Variants in CLCN2 observed in about 807,000 individuals in gnomAD.
The protein encoded by CLCN2 is chloride voltage-gated channel 2.
CLCN2 carries 72 observed loss-of-function variants against 108.3 expected under a neutral mutation model. The observed-to-expected ratio is 0.66, with a 90% confidence interval of 0.55 to 0.81. The LOEUF is 0.81. CLCN2 is among the 30% of genes least tolerant of loss of function. The pLI is 0.00. For missense variants in CLCN2, 1,048 were observed against 1,205.2 expected (o/e 0.87, Z 1.93); for synonymous variants, 471 against 467.1 (o/e 1.01, Z -0.11).
intron 22 of CLCN2, among the ~76,000 whole-genome samples, chr3:184,350,840 T>C (rs892357151): frequency 1.3e-5 from 2 of 152,200 alleles, no homozygotes; most frequent in Non-Finnish European, 2.9e-5. Flanking sequence ...AAGTGCGTGC[T>C]TGTGATGATT....
At chr3:184,353,924 G>A in intron 15 of CLCN2, 129 bp from the exon 16 acceptor site, 15 of 1,456,874 alleles carry the variant, frequency 1.0e-5, no homozygotes, top group Non-Finnish European at 1.3e-5. Context: ...ACCAAGGGGT[G>A]CTCCCACCCT....
Position 184,357,109 on chromosome 3 carries a change from G to C in CLCN2, c.984-15C>G. On this transcript the variant is annotated splice_polypyrimidine_tract_variant and intron_variant, in intron 9 of 23. Transcript: ENST00000265593. The stretch of plus-strand genomic sequence containing the variant: ...CACTAGCAATACTGGAAAGGGAAGA[G>C]GCACCTGAGTGAAAAGGAGCCTTCT... 1 of 1,611,978 alleles carries C rather than the reference G, an allele frequency of 6.2e-7. No homozygotes were observed. Among genetic ancestry groups the C allele is most frequent in the Non-Finnish European group, 8.5e-7 (1 of 1,178,526 alleles).
chr3:184,359,037 G>A lies in CLCN2; in HGVS notation c.158C>T (p.Pro53Leu), dbSNP rs1293737920. 1.9e-6 allele frequency: 3 copies of A among 1,613,682 alleles called. No individual in the cohort carries two copies. The highest frequency in any genetic ancestry group is 2.2e-5 in the East Asian group (1 of 44,880). Reference protein sequence around the residue: ...LGGPEPWKGPPSSRAAPELLE... With the variant: ...LGGPEPWKGPLSSRAAPELLE... ...GAGCTCTGGGGCAGCCCGAGAGGAA[G>A]GGGGACCTTTCCAGGGTTCAGGCCC... The change falls in exon 2 of 24, where the codon CCT becomes CTT. Residue 53 changes from proline to leucine, a missense_variant. By Grantham distance (98) the Pro-to-Leu change is moderately conservative. Transcript: ENST00000265593.
At position 184,358,018 on chromosome 3, in the gene CLCN2, C is replaced by A; in HGVS notation, c.559G>T (p.Ala187Ser). The change falls in exon 5 of 24, where the codon GCT becomes TCT. Residue 187 changes from alanine to serine, a missense_variant. Physicochemically the swap from Ala to Ser is moderately conservative, Grantham distance 99 (BLOSUM62 1). Coordinates refer to ENST00000265593, the MANE Select transcript of CLCN2 (RefSeq NM_004366.6). The part of the protein sequence containing the change: ...KEYLTLKTFI[A>S]KVIGLTCALG... ...GCGCAGGTCAGCCCAATGACCTTAG[C>A]TATAAAGGTCTTGAGTGTGAGGTAT... The A allele has an allele frequency of 6.2e-7, 1 of 1,614,048 alleles. No homozygotes were observed. The highest frequency in any genetic ancestry group is 8.5e-7 in the Non-Finnish European group (1 of 1,179,998).
chr3:184,351,756 G>A (rs1275706432), intron 22 of CLCN2, among the ~76,000 whole-genome samples: 1 of 152,112 alleles, frequency 6.6e-6, no homozygotes, highest in East Asian at 1.9e-4. Context: ...TGTCTTTGTT[G>A]CTTCGTTGGT....
At position 184,358,891 on chromosome 3, in the gene CLCN2, CCT is replaced by C. The variant is rs1490744593; in HGVS notation, c.221-80_221-79del. The C allele has an allele frequency of 6.2e-6, 10 of 1,613,416 alleles. No individual in the cohort carries two copies. In the African/African-American group the frequency reaches 1.1e-4, roughly 17 times the overall value. On this transcript the variant is annotated intron_variant, in intron 2 of 23. Coordinates refer to ENST00000265593, the MANE Select transcript of CLCN2 (RefSeq NM_004366.6). ...CCTTTTACTGCCCCCTCAACTGTCC[CCT>C]CTCCCCCATCAGCAGCTCTAATGGC... is the stretch of plus-strand genomic sequence containing the variant.
chr3:184,352,794 T>C lies in CLCN2; in HGVS notation c.2160A>G (p.Ala720=), dbSNP rs1047612753. ...GESPTGSAES[A]GIALRSLFCG... ...AGAAGAGGCTCCGGAGGGCGATGCCTGCCGACTCTGCGCTCCCTGTGTTCC... is the reference window on the plus strand; with the variant it reads ...AGAAGAGGCTCCGGAGGGCGATGCCCGCCGACTCTGCGCTCCCTGTGTTCC... Residue 720 remains alanine, a synonymous_variant, in exon 19 of 24, where the codon GCA becomes GCG. Transcript: ENST00000265593. 6.2e-7 allele frequency: 1 copy of C among 1,613,220 alleles called. No individual in the cohort carries two copies. Among genetic ancestry groups the C allele is most frequent in the African/African-American group, 1.3e-5 (1 of 75,078 alleles).
In CLCN2 at chr3:184,359,051, G is replaced by C; in HGVS notation, c.144C>G (p.Pro48=). ...AARIRLGGPE[P]WKGPPSSRAA... ...CCCGAGAGGAAGGGGGACCTTTCCA[G>C]GGTTCAGGCCCTCCCAGGCGAATCC... The change falls in exon 2 of 24, where the codon CCC becomes CCG. Residue 48 remains proline, a synonymous_variant. Transcript: ENST00000265593. 8 of 1,613,714 alleles carry C rather than the reference G, an allele frequency of 5.0e-6. No homozygotes were observed. Among genetic ancestry groups the C allele is most frequent in the Non-Finnish European group, 6.8e-6 (8 of 1,180,038 alleles).
Position 184,346,633 on chromosome 3 carries a change from A to T in CLCN2, c.2670T>A (p.Pro890=). ...SRHGLPREGS[P]SDSDDKCQ is the part of the protein sequence containing the mutation. ...ATTGGCATTTGTCGTCGCTGTCGGAAGGGCTGCCCTCCCGGGGGAGGCCAT... is the reference window on the plus strand; with the variant it reads ...ATTGGCATTTGTCGTCGCTGTCGGATGGGCTGCCCTCCCGGGGGAGGCCAT... The change falls in exon 24 of 24, where the codon CCT becomes CCA. Residue 890 remains proline, a synonymous_variant. Transcript: ENST00000265593. The surrounding 1 kb of genome is among the most constrained non-coding windows in gnomAD (Gnocchi z 6.0). 6.2e-7 allele frequency: 1 copy of T among 1,614,098 alleles called. No individual in the cohort carries two copies.
intron 22 of CLCN2, 138 bp from the exon 23 acceptor site, chr3:184,347,159 G>A: frequency 2.7e-6 from 2 of 748,824 alleles, no homozygotes; most frequent in Non-Finnish European, 4.9e-6. Flanking sequence ...CAGGACTGCT[G>A]GAGGGAAAAT....
At chr3:184,354,790 A>G in intron 13 of CLCN2, 114 bp downstream of exon 13, 1 of 1,366,442 alleles carries the variant, frequency 7.3e-7, no homozygotes, top group Admixed American at 1.7e-5. Context: ...CTGTGGGGTC[A>G]GGGTTCGGGC....
In CLCN2 at chr3:184,355,619, T is replaced by TGTGA; in HGVS notation, c.1170+74_1170+75insTCAC. 1.2e-6 allele frequency: 2 copies of TGTGA among 1,600,632 alleles called. No individual in the cohort carries two copies. The highest frequency in any genetic ancestry group is 1.7e-6 in the Non-Finnish European group (2 of 1,167,804). ...CCACGGGGAACAAGGGGTCCCACAGTCACACTGGGGCTGTTGGCTTTGGAG... is the reference window on the plus strand; with the variant it reads ...CCACGGGGAACAAGGGGTCCCACAGTGTGACACACTGGGGCTGTTGGCTTTGGAG... On this transcript the variant is annotated intron_variant, in intron 11 of 23. Transcript: ENST00000265593. This position sits in a 1 kb window ranked among gnomAD's most constrained non-coding sequence, Gnocchi z 6.3.
intron 22 of CLCN2, among the ~76,000 whole-genome samples, chr3:184,350,096 G>A (rs974283979): frequency 2.0e-5 from 3 of 152,130 alleles, no homozygotes; most frequent in African/African-American, 4.8e-5. Flanking sequence ...ACTTTTGTTA[G>A]TTGGTTCCTC....
Position 184,361,560 on chromosome 3 carries a change from G to A in CLCN2, c.-81C>T, listed in dbSNP as rs1712131779. Reference sequence around the variant, plus strand: ...GCTCCCGGCCCGCAAAGTCCGCGCCGGCAGCCGTCCCGTCCCCGCAGCCCG... The same window carrying A: ...GCTCCCGGCCCGCAAAGTCCGCGCCAGCAGCCGTCCCGTCCCCGCAGCCCG... On this transcript the variant is annotated 5_prime_UTR_variant, in exon 1 of 24. Transcript: ENST00000265593. This position sits in a 1 kb window ranked among gnomAD's most constrained non-coding sequence, Gnocchi z 6.6. 1 of 1,512,772 alleles carries A rather than the reference G, an allele frequency of 6.6e-7. No homozygotes were observed. Among genetic ancestry groups the A allele is most frequent in the African/African-American group, 1.4e-5 (1 of 72,964 alleles). 93.7% of individuals were successfully genotyped at this position (1,512,772 alleles called of 1,614,324 possible).
rs892148758 is a variant in CLCN2, at chr3:184,355,695, T to C, written c.1169A>G (p.Gln390Arg). The change falls in exon 11 of 24, where the codon CAG (glutamine) becomes CGG (arginine). Residue 390 changes from glutamine (Q) to arginine (R), a missense_variant and splice_region_variant. Physicochemically the swap from Gln to Arg is conservative, Grantham distance 43. Transcript: ENST00000265593. The surrounding 1 kb of genome is among the most constrained non-coding windows in gnomAD (Gnocchi z 6.3). ...AACTCCTGTTCTGCCTGTGGTTACC[T>C]GTCCAGCCATGAACTGTCCAAAGCC... ...PPGFGQFMAGQLSQKETLVTL... is the reference protein window; with the variant it reads ...PPGFGQFMAGRLSQKETLVTL... 3.1e-6 allele frequency: 5 copies of C among 1,613,932 alleles called. No homozygotes were observed. The East Asian group carries it at 8.9e-5, about 29-fold the overall frequency.
chr3:184,361,484 G>A lies in CLCN2; in HGVS notation c.-5C>T, dbSNP rs1712117338. On this transcript the variant is annotated 5_prime_UTR_variant, in exon 1 of 24. Coordinates refer to ENST00000265593, the MANE Select transcript of CLCN2 (RefSeq NM_004366.6). This position sits in a 1 kb window ranked among gnomAD's most constrained non-coding sequence, Gnocchi z 6.6. ...CTCCGCCGCCGCGGCCGCCATCTCC[G>A]CGCACTGCCCTCTCGCCTCCCTCGG... 1 of 1,611,266 alleles carries A rather than the reference G, an allele frequency of 6.2e-7. No homozygotes were observed. The highest frequency in any genetic ancestry group is 8.5e-7 in the Non-Finnish European group (1 of 1,179,850).
intron 22 of CLCN2, 128 bp downstream of exon 22, chr3:184,351,885 C>T: frequency 2.6e-6 from 2 of 778,072 alleles, no homozygotes; most frequent in Non-Finnish European, 4.6e-6. Context: ...AAAAACATCT[C>T]CGCACTGAGC....
Position 184,354,884 on chromosome 3 carries a change from G to C in CLCN2, c.1396+20C>G, listed in dbSNP as rs544871892. ...GCTGAGGAAGGTGCAGGCTGGGTGA[G>C]CAGGCAGCTGAGAACTCACCAATGA... On this transcript the variant is annotated intron_variant, in intron 13 of 23. Transcript: ENST00000265593. The C allele has an allele frequency of 1.9e-6, 3 of 1,611,806 alleles. No homozygotes were observed. Among genetic ancestry groups the C allele is most frequent in the Non-Finnish European group, 2.5e-6 (3 of 1,178,326 alleles).
At chr3:184,360,023 G>A (rs1415485385) in intron 1 of CLCN2, among the ~76,000 whole-genome samples, 2 of 151,788 alleles carry the variant, frequency 1.3e-5, no homozygotes, top group African/African-American at 2.4e-5. Flanking sequence ...GAGACAGAGA[G>A]AGGGTGAGAG....
Sources: allele counts gnomAD v4.1 joint callset (sites outside exome capture counted in the v4.1 genomes callset), GRCh38; gene constraint gnomAD v4.1.1; non-coding constraint Gnocchi (gnomAD v3.1); transcripts MANE v1.5; gene names NCBI Gene and HGNC (gene_info 2026-07-23, HGNC 2026-07-21).